Variants in DYNC2H1 observed in about 807,000 individuals in gnomAD.
DYNC2H1 encodes the protein dynein cytoplasmic 2 heavy chain 1, also known as cytoplasmic dynein 2 heavy chain 1.
A neutral mutation model predicts 570.0 loss-of-function variants in DYNC2H1; 410 were observed. The observed-to-expected ratio is 0.72, with a 90% CI of 0.66 to 0.78. The LOEUF is 0.78. Among genes scored for constraint, DYNC2H1 ranks in the 30% least tolerant of loss-of-function variants. The pLI is 0.00. For missense variants in DYNC2H1, 4,865 were observed against 5,046.4 expected (o/e 0.96, Z 1.09); for synonymous variants, 1,688 against 1,677.6 (o/e 1.01, Z -0.15).
chr11:103,318,329 C>T (rs1937979567), intron 80 of DYNC2H1, among the ~76,000 whole-genome samples: 1 of 152,098 alleles, frequency 6.6e-6, no homozygotes, highest in South Asian at 2.1e-4. Flanking sequence ...TTCCCCTGTT[C>T]CTGAGGTAGA....
rs113356238 is a variant in DYNC2H1 at position 103,133,885 on chromosome 11, G to A, written c.2106+178G>A. On this transcript the variant is annotated intron_variant, in intron 14 of 88. Transcript: ENST00000375735. The surrounding 1 kb of genome is among the most constrained non-coding windows in gnomAD (Gnocchi z 4.8). ...CCTGTTGTTAACAACTTATATAACC[G>A]GAGTAGTTATCAAAACCAGGAAAAA... Among the ~76,000 whole-genome samples the A allele has an allele frequency of 7.1e-3, 1,074 of 152,050 alleles. 9 individuals are homozygous for A. Among genetic ancestry groups the A allele is most frequent in the African/African-American group, 0.024 (1,012 of 41,468 alleles).
Position 103,181,440 on chromosome 11 carries a change from T to G in DYNC2H1, c.6348-317T>G, listed in dbSNP as rs1428328542. On this transcript the variant is annotated intron_variant, in intron 39 of 88. Coordinates refer to ENST00000375735, the MANE Select transcript of DYNC2H1 (RefSeq NM_001377.3). This position sits in a 1 kb window ranked among gnomAD's most constrained non-coding sequence, Gnocchi z 5.0. ...CTATGTAGAGCCTATGTAGAGTAGGTTGTGTAGATATATAATTCTCGTTTA... is the reference window on the plus strand; with the variant it reads ...CTATGTAGAGCCTATGTAGAGTAGGGTGTGTAGATATATAATTCTCGTTTA... Among the ~76,000 whole-genome samples the G allele has an allele frequency of 6.6e-6, 1 of 151,558 alleles. No homozygotes were observed. Among genetic ancestry groups the G allele is most frequent in the East Asian group, 1.9e-4 (1 of 5,186 alleles).
intron 6 of DYNC2H1, among the ~76,000 whole-genome samples, chr11:103,118,369 C>A (rs1020468252): frequency 5.5e-5 from 8 of 146,072 alleles, no homozygotes; most frequent in South Asian, 4.4e-4. Context: ...AAAAAAAAAA[C>A]AAAACTTTTT....
chr11:103,414,191 A>ATTACAAGTATCAGGAAT (rs1943195129), intron 84 of DYNC2H1, among the ~76,000 whole-genome samples: 1 of 152,216 alleles, frequency 6.6e-6, no homozygotes, highest in South Asian at 2.1e-4. Flanking sequence ...AAAGTCAGAA[A>ATTACAAGTATCAGGAAT]TTACAAGTAT....
intron 47 of DYNC2H1, among the ~76,000 whole-genome samples, chr11:103,195,858 T>C (rs1862490212): frequency 6.6e-6 from 1 of 152,236 alleles, no homozygotes; most frequent in Non-Finnish European, 1.5e-5. Context: ...ATACATGTTA[T>C]GTTAGATTTA....
Position 103,179,043 on chromosome 11 carries a change from A to G in DYNC2H1, c.6157A>G (p.Ile2053Val), listed in dbSNP as rs1254927173. Residue 2053 changes from isoleucine to valine, a missense_variant, in exon 39 of 89, where the codon ATC becomes GTC. This residue lies in a region of DYNC2H1 where 231 missense variants were observed against 310.3 expected (regional missense o/e 0.74). Transcript: ENST00000375735. ...GAAAATAGATGTCAGCTCATGGATA[A>G]TCTGTGATGGTGATATTGACCCTGA... ...REPQDVSSWIICDGDIDPEWI... is the reference protein window; with the variant it reads ...REPQDVSSWIVCDGDIDPEWI... The G allele has an allele frequency of 6.2e-7, 1 of 1,609,660 alleles. No individual in the cohort carries two copies. The highest frequency in any genetic ancestry group is 2.2e-5 in the East Asian group (1 of 44,742).
At chr11:103,449,389 G>T (rs1198266720) in intron 85 of DYNC2H1, among the ~76,000 whole-genome samples, 2 of 152,140 alleles carry the variant, frequency 1.3e-5, no homozygotes, top group Non-Finnish European at 2.9e-5. Flanking sequence ...CAACAGTTAG[G>T]ATTTATATTT....
intron 56 of DYNC2H1, 81 bp from the exon 57 acceptor site, chr11:103,220,542 C>T: frequency 7.4e-7 from 1 of 1,357,280 alleles, no homozygotes; most frequent in South Asian, 1.6e-5. Flanking sequence ...GCATAAATGA[C>T]AATAAAACAT....
intron 81 of DYNC2H1, among the ~76,000 whole-genome samples, chr11:103,321,666 T>C (rs1035614295): frequency 3.9e-5 from 6 of 152,156 alleles, no homozygotes; most frequent in African/African-American, 1.4e-4. Context: ...TGTCTAAATA[T>C]GTAAAATGAA....
chr11:103,442,050 A>G (rs967574089), intron 85 of DYNC2H1, among the ~76,000 whole-genome samples: 12 of 152,300 alleles, frequency 7.9e-5, no homozygotes, highest in African/African-American at 2.9e-4. Context: ...AAAAGTCTAT[A>G]TGTGGCTTTA....
chr11:103,406,822 ATAAT>A (rs1162551603), intron 84 of DYNC2H1: 5 of 151,890 alleles, frequency 3.3e-5, no homozygotes, highest in Admixed American at 3.3e-4. Flanking sequence ...AATTTGAAAT[ATAAT>A]TAAGATAGGG....
At chr11:103,188,055 T>A (rs1862145160) in intron 43 of DYNC2H1, among the ~76,000 whole-genome samples, 1 of 152,144 alleles carries the variant, frequency 6.6e-6, no homozygotes, top group South Asian at 2.1e-4. Context: ...TTTTTCTTTA[T>A]GTTATTTACA....
At chr11:103,320,844 G>A (rs1171813504) in intron 80 of DYNC2H1, among the ~76,000 whole-genome samples, 185 bp from the exon 81 acceptor site, 10 of 152,142 alleles carry the variant, frequency 6.6e-5, no homozygotes, top group Admixed American at 5.9e-4. Flanking sequence ...ATTTATACAT[G>A]TAAAATATTT....
intron 59 of DYNC2H1, 62 bp from the exon 60 acceptor site, chr11:103,231,198 C>G: frequency 1.0e-6 from 1 of 981,888 alleles, no homozygotes; most frequent in Non-Finnish European, 1.5e-6. Context: ...TAAGGTGCTG[C>G]TGCTGCTTTA....
At chr11:103,460,030 G>A (rs1471650183) in intron 87 of DYNC2H1, among the ~76,000 whole-genome samples, 2 of 145,590 alleles carry the variant, frequency 1.4e-5, no homozygotes, top group East Asian at 4.4e-4. Context: ...TTGTCGTTTT[G>A]TTTTGTTGAG....
In DYNC2H1 at chr11:103,201,759, C is replaced by CT. The variant is rs1300336656; in HGVS notation, c.8197+1613dup. ...CACTTGCGAATTCCTATATTTCTTC[C>CT]TTTTTTTTGAAGAATTTATGAAGTT... On this transcript the variant is annotated intron_variant, in intron 50 of 88. Coordinates refer to ENST00000375735, the MANE Select transcript of DYNC2H1 (RefSeq NM_001377.3). The surrounding 1 kb of genome is among the most constrained non-coding windows in gnomAD (Gnocchi z 4.8). 1.8e-4 allele frequency among the ~76,000 whole-genome samples: 27 copies of CT among 151,796 alleles called. No homozygotes were observed. The highest frequency in any genetic ancestry group is 1.4e-3 in the Admixed American group (21 of 15,244).
Position 103,174,260 on chromosome 11 carries a change from ATACAATAT to A in DYNC2H1, c.5674+93_5674+100del, listed in dbSNP as rs1328277347. 6.3e-6 allele frequency: 7 copies of A among 1,105,164 alleles called. No individual in the cohort carries two copies. The African/African-American group carries it at 1.1e-4, about 17-fold the overall frequency. 68.5% of individuals were successfully genotyped at this position (1,105,164 alleles called of 1,614,324 possible). A position where few individuals can be genotyped will look rare whatever the true frequency, so the allele number is the denominator to read the frequency against. On this transcript the variant is annotated intron_variant, in intron 36 of 88. Transcript: ENST00000375735. ...TTTGAGATTTACAGAAAAGTTGTAG[ATACAATAT>A]TAAGGATTACTGTATACCCTGCCCC...
intron 56 of DYNC2H1, 26 bp from the exon 57 acceptor site, chr11:103,220,597 A>G: frequency 1.3e-6 from 2 of 1,557,844 alleles, no homozygotes; most frequent in Non-Finnish European, 1.7e-6. Flanking sequence ...TAATTTGAAG[A>G]TAAAAATGGC....
In DYNC2H1 at chr11:103,156,709, T is replaced by C. The variant is rs951688803; in HGVS notation, c.4066T>C (p.Phe1356Leu). The stretch of plus-strand genomic sequence containing the variant: ...AAAGTGGGTGTATTTGGAACCCATT[T>C]TCGGCCGTGGAGCATTGCCAAAAGA... ...QRKWVYLEPIFGRGALPKEQT... is the reference protein window; with the variant it reads ...QRKWVYLEPILGRGALPKEQT... The change falls in exon 26 of 89, where the codon TTC (phenylalanine) becomes CTC (leucine). Residue 1356 changes from phenylalanine (F) to leucine (L), a missense_variant. Phe to Leu is a conservative substitution (Grantham distance 22). Transcript: ENST00000375735. 1.9e-6 allele frequency: 3 copies of C among 1,613,334 alleles called. No homozygotes were observed. Among genetic ancestry groups the C allele is most frequent in the Admixed American group, 1.7e-5 (1 of 59,920 alleles).
Sources: allele counts gnomAD v4.1 joint callset (sites outside exome capture counted in the v4.1 genomes callset), GRCh38; gene constraint gnomAD v4.1.1; regional missense constraint gnomAD v4.1.1; non-coding constraint Gnocchi (gnomAD v3.1); transcripts MANE v1.5; gene names NCBI Gene and HGNC (gene_info 2026-07-23, HGNC 2026-07-21).